Variants in GNAL observed in about 807,000 individuals in gnomAD.
GNAL encodes the protein guanine nucleotide-binding protein G(olf) subunit alpha.
In GNAL, 18 loss-of-function variants were observed where a neutral mutation model predicts 55.1. The observed-to-expected ratio is 0.33, with a 90% CI of 0.23 to 0.48. GNAL has a LOEUF of 0.48. Ranked by LOEUF, GNAL falls within the 20% of genes least tolerant of loss-of-function variation. GNAL has a pLI of 0.99. For missense variants in GNAL, 412 were observed against 614.1 expected (o/e 0.67, Z 3.48); for synonymous variants, 253 against 237.0 (o/e 1.07, Z -0.62).
At chr18:11,697,859 G>A (rs112277455) in intron 1 of GNAL, among the ~76,000 whole-genome samples, 14 of 152,202 alleles carry the variant, frequency 9.2e-5, no homozygotes, top group African/African-American at 2.4e-5. Context: ...TGTCCAGCGG[G>A]CAGTGGCTGG....
intron 5 of GNAL, among the ~76,000 whole-genome samples, chr18:11,842,431 CTTCT>C: frequency 6.6e-6 from 1 of 152,068 alleles, no homozygotes; most frequent in Non-Finnish European, 1.5e-5. Context: ...TTACTGTGCT[CTTCT>C]ATTACGATTA....
chr18:11,842,612 T>G (rs1267206821), intron 5 of GNAL, among the ~76,000 whole-genome samples: 1 of 152,034 alleles, frequency 6.6e-6, no homozygotes, highest in Non-Finnish European at 1.5e-5. Context: ...CCTAGATCCC[T>G]CACATGCAAA....
At chr18:11,726,934 CT>C (rs1437893851) in intron 1 of GNAL, among the ~76,000 whole-genome samples, 45 of 147,202 alleles carry the variant, frequency 3.1e-4, no homozygotes, top group East Asian at 4.0e-4. Flanking sequence ...GAAAAGTAGT[CT>C]TTTTTTTTTT....
At chr18:11,761,940 C>G (rs1281228405) in intron 4 of GNAL, among the ~76,000 whole-genome samples, 1 of 152,168 alleles carries the variant, frequency 6.6e-6, no homozygotes, top group Non-Finnish European at 1.5e-5. Flanking sequence ...CACCTGGTTG[C>G]TGGAAGCAGT....
At chr18:11,746,924 G>C (rs2032700756) in intron 1 of GNAL, 1 of 538,794 alleles carries the variant, frequency 1.9e-6, no homozygotes, top group Non-Finnish European at 3.8e-6. Context: ...GGAAACTTAG[G>C]ACATTACAAC....
intron 9 of GNAL, among the ~76,000 whole-genome samples, chr18:11,869,559 G>A (rs982833906): frequency 2.0e-4 from 31 of 152,208 alleles, no homozygotes; most frequent in African/African-American, 6.5e-4. Context: ...CCACATCTGC[G>A]GATTCAACCA....
intron 5 of GNAL, among the ~76,000 whole-genome samples, chr18:11,846,053 C>G (rs983941412): frequency 6.6e-6 from 1 of 151,960 alleles, no homozygotes; most frequent in Non-Finnish European, 1.5e-5. Flanking sequence ...GATCATAGGC[C>G]TTATTTTTTC....
chr18:11,765,140 C>A (rs2033364824), intron 4 of GNAL, among the ~76,000 whole-genome samples: 1 of 152,200 alleles, frequency 6.6e-6, no homozygotes, highest in Admixed American at 6.5e-5. Flanking sequence ...CCAGCCACAA[C>A]AGCGACCTCT....
intron 5 of GNAL, among the ~76,000 whole-genome samples, chr18:11,850,015 G>A (rs961450376): frequency 6.6e-6 from 1 of 152,176 alleles, no homozygotes; most frequent in Non-Finnish European, 1.5e-5. Flanking sequence ...GTCCTGGGGA[G>A]GCTCCATGGT....
intron 4 of GNAL, among the ~76,000 whole-genome samples, chr18:11,814,055 A>G (rs1019450900): frequency 1.3e-5 from 2 of 152,206 alleles, no homozygotes; most frequent in African/African-American, 4.8e-5. Context: ...TGCATGGATC[A>G]TAGGCCTAAA....
chr18:11,801,264 G>A (rs2034514028), intron 4 of GNAL, among the ~76,000 whole-genome samples: 1 of 152,210 alleles, frequency 6.6e-6, no homozygotes, highest in Non-Finnish European at 1.5e-5. Context: ...ATAAACCACA[G>A]TGTGGGCTGG....
intron 4 of GNAL, among the ~76,000 whole-genome samples, chr18:11,808,485 C>T (rs545378662): frequency 3.3e-5 from 5 of 152,314 alleles, no homozygotes; most frequent in Admixed American, 3.3e-4. Flanking sequence ...TAACATCTGC[C>T]ATGCTACCCA....
At chr18:11,793,908 C>CGG (rs1555651133) in intron 4 of GNAL, among the ~76,000 whole-genome samples, 1 of 132,304 alleles carries the variant, frequency 7.6e-6, no homozygotes, top group African/African-American at 3.0e-5. Context: ...GACTCCATCT[C>CGG]GGGAAAAAAA....
chr18:11,764,640 C>G (rs1406683758), intron 4 of GNAL, among the ~76,000 whole-genome samples: 1 of 152,120 alleles, frequency 6.6e-6, no homozygotes, highest in African/African-American at 2.4e-5. Flanking sequence ...GAAACCCTGT[C>G]TCTACAAAAA....
intron 9 of GNAL, among the ~76,000 whole-genome samples, chr18:11,869,025 T>TA (rs1567902288): frequency 6.6e-6 from 1 of 151,592 alleles, no homozygotes; most frequent in East Asian, 1.9e-4. Flanking sequence ...CACACATACC[T>TA]ACACCCACAC....
At chr18:11,844,814 C>T (rs1175721870) in intron 5 of GNAL, among the ~76,000 whole-genome samples, 1 of 152,166 alleles carries the variant, frequency 6.6e-6, no homozygotes, top group Non-Finnish European at 1.5e-5. Flanking sequence ...ATTAACTGGC[C>T]AATTTGTACA....
At chr18:11,758,221 C>G (rs2033125764) in intron 4 of GNAL, among the ~76,000 whole-genome samples, 1 of 152,114 alleles carries the variant, frequency 6.6e-6, no homozygotes, top group South Asian at 2.1e-4. Context: ...GGTGCAGACG[C>G]AGGTATGTTT....
At chr18:11,758,031 C>G (rs1386798514) in intron 4 of GNAL, among the ~76,000 whole-genome samples, 1 of 151,724 alleles carries the variant, frequency 6.6e-6, no homozygotes, top group Non-Finnish European at 1.5e-5. Context: ...TAGGCAAGGT[C>G]AAGATGAAAG....
intron 4 of GNAL, among the ~76,000 whole-genome samples, chr18:11,776,557 A>G (rs938009773): frequency 6.6e-6 from 1 of 151,892 alleles, no homozygotes; most frequent in African/African-American, 2.4e-5. Flanking sequence ...AAAATTTTAA[A>G]ATTAACTACC....
Sources: allele counts gnomAD v4.1 joint callset (sites outside exome capture counted in the v4.1 genomes callset), GRCh38; gene constraint gnomAD v4.1.1; transcripts MANE v1.5; gene names NCBI Gene and HGNC (gene_info 2026-07-23, HGNC 2026-07-21).